Variants in ACBD6 observed in about 807,000 individuals in gnomAD.
The protein encoded by ACBD6 is acyl-CoA-binding domain-containing protein 6.
ACBD6 carries 28 observed loss-of-function variants against 37.2 expected under a neutral mutation model. That is an observed-to-expected ratio of 0.75 (90% CI 0.56 to 1.03). The LOEUF is 1.03. Ranked by LOEUF, ACBD6 falls within the 50% of genes least tolerant of loss-of-function variation. The probability of loss-of-function intolerance (pLI) is 0.00; values close to 1 mark genes in which losing one functional copy is unlikely to be tolerated. For synonymous variants in ACBD6, 113 were observed against 126.8 expected (o/e 0.89, Z 0.73); for missense variants, 340 against 337.4 (o/e 1.01, Z -0.06).
At chr1:180,423,991 G>C (rs943757369) in intron 4 of ACBD6, among the ~76,000 whole-genome samples, 2 of 152,060 alleles carry the variant, frequency 1.3e-5, no homozygotes, top group African/African-American at 2.4e-5. Flanking sequence ...ATTTTACCAG[G>C]AAAGTACATT....
Position 180,288,527 on chromosome 1 carries a change from A to T in ACBD6, c.695-10T>A, listed in dbSNP as rs1330617385. ...AACTCACAGGCAGAGGCTGAAAGGA[A>T]AATTGACAAATATGAAAACAAGTTT... On this transcript the variant is annotated splice_polypyrimidine_tract_variant and intron_variant, in intron 7 of 7. Coordinates refer to ENST00000367595, the MANE Select transcript of ACBD6 (RefSeq NM_032360.4). 3.7e-6 allele frequency: 6 copies of T among 1,610,538 alleles called. No individual in the cohort carries two copies. The highest frequency in any genetic ancestry group is 5.1e-6 in the Non-Finnish European group (6 of 1,178,412).
intron 3 of ACBD6, among the ~76,000 whole-genome samples, chr1:180,453,695 A>G (rs1181464937): frequency 6.6e-6 from 1 of 152,242 alleles, no homozygotes; most frequent in Non-Finnish European, 1.5e-5. Flanking sequence ...CAACTTCAGC[A>G]AAGTCTCAGG....
intron 7 of ACBD6, among the ~76,000 whole-genome samples, chr1:180,302,604 G>A (rs185882068): frequency 2.6e-4 from 39 of 152,090 alleles, no homozygotes; most frequent in Admixed American, 2.2e-3. Flanking sequence ...TTGAGCCTAT[G>A]CAAATCCTTA....
chr1:180,397,948 G>A (rs987593260), intron 5 of ACBD6, among the ~76,000 whole-genome samples: 1 of 152,094 alleles, frequency 6.6e-6, no homozygotes, highest in Non-Finnish European at 1.5e-5. Flanking sequence ...AGCTACTTGG[G>A]AGGATGAGGC....
rs372952844 is a variant in ACBD6 at position 180,274,428 on chromosome 1, T to C, written c.*936+223A>G. On this transcript the variant is annotated intron_variant, in intron 10 of 13. Coordinates refer to the ACBD6 transcript ENST00000642319. ...ACGGTGGACAGTAATTTGGGCATCATTGCGCATGCAGGGCAGGGAGTAAGC... is the reference window on the plus strand; with the variant it reads ...ACGGTGGACAGTAATTTGGGCATCACTGCGCATGCAGGGCAGGGAGTAAGC... 3.5e-5 allele frequency: 56 copies of C among 1,614,194 alleles called. No homozygotes were observed. Among genetic ancestry groups the C allele is most frequent in the African/African-American group, 2.7e-4 (20 of 75,064 alleles).
At chr1:180,295,389 C>T (rs181556158) in intron 7 of ACBD6, among the ~76,000 whole-genome samples, 97 of 152,076 alleles carry the variant, frequency 6.4e-4, no homozygotes, top group African/African-American at 2.3e-3. Flanking sequence ...GATTCTCCTG[C>T]CTCAGCCTCC....
At chr1:180,485,431 C>T (rs1651223213) in intron 3 of ACBD6, among the ~76,000 whole-genome samples, 1 of 152,024 alleles carries the variant, frequency 6.6e-6, no homozygotes, top group Non-Finnish European at 1.5e-5. Context: ...AAGGTGGGCC[C>T]TAAATTCAAT....
At chr1:180,469,083 T>A (rs1180872472) in intron 3 of ACBD6, among the ~76,000 whole-genome samples, 6 of 152,224 alleles carry the variant, frequency 3.9e-5, no homozygotes, top group Non-Finnish European at 5.9e-5. Context: ...TAATATATAG[T>A]CCTTTTCCAT....
intron 2 of ACBD6, among the ~76,000 whole-genome samples, chr1:180,492,568 T>A (rs1651547914): frequency 6.6e-6 from 1 of 152,220 alleles, no homozygotes; most frequent in South Asian, 2.1e-4. Context: ...AGCAGTCTTT[T>A]CAGACATTTT....
At chr1:180,439,175 T>G (rs1225544614) in intron 3 of ACBD6, among the ~76,000 whole-genome samples, 3 of 152,184 alleles carry the variant, frequency 2.0e-5, no homozygotes, top group African/African-American at 7.2e-5. Flanking sequence ...GGTATTTAAC[T>G]CAGTAGTGTT....
chr1:180,394,590 A>G (rs1222594013), intron 6 of ACBD6, among the ~76,000 whole-genome samples: 1 of 152,214 alleles, frequency 6.6e-6, no homozygotes, highest in Non-Finnish European at 1.5e-5. Context: ...AAAACAGTGT[A>G]GCACAAATAC....
At chr1:180,414,208 G>C (rs548813853) in intron 4 of ACBD6, among the ~76,000 whole-genome samples, 5 of 151,972 alleles carry the variant, frequency 3.3e-5, no homozygotes, top group African/African-American at 4.8e-5. Context: ...TGTTTCAATC[G>C]GATTCTCAAA....
At chr1:180,457,308 A>G (rs1649963002) in intron 3 of ACBD6, among the ~76,000 whole-genome samples, 1 of 152,228 alleles carries the variant, frequency 6.6e-6, no homozygotes, top group African/African-American at 2.4e-5. Flanking sequence ...CATGCTACAT[A>G]TAATTTCTAC....
rs1412804743 is a variant in ACBD6 at position 180,492,292 on chromosome 1, G to GT, written c.360dup (p.Leu121ThrfsTer27). The GT allele has an allele frequency of 6.2e-7, 1 of 1,613,966 alleles. No individual in the cohort carries two copies. The highest frequency in any genetic ancestry group is 8.5e-7 in the Non-Finnish European group (1 of 1,179,922). ...ACCTGAGGATTCCAACCTGGATCTAGTTTTTTAACTACTGCGATATATTCC... is the reference window on the plus strand; with the variant it reads ...ACCTGAGGATTCCAACCTGGATCTAGTTTTTTTAACTACTGCGATATATTCC... On this transcript the variant is annotated frameshift_variant, in exon 3 of 8. Coordinates refer to ENST00000367595, the MANE Select transcript of ACBD6 (RefSeq NM_032360.4). LOFTEE classifies it high-confidence loss of function.
chr1:180,388,692 T>C (rs1004459242), intron 6 of ACBD6, among the ~76,000 whole-genome samples: 5 of 152,102 alleles, frequency 3.3e-5, no homozygotes, highest in African/African-American at 1.2e-4. Flanking sequence ...CCTCCTGCCT[T>C]GGCCTTCCAA....
chr1:180,279,292 T>C (rs563552959), intron 9 of ACBD6, among the ~76,000 whole-genome samples: 48 of 152,276 alleles, frequency 3.2e-4, no homozygotes, highest in African/African-American at 1.1e-3. Flanking sequence ...GTTTGTTCAG[T>C]GGCATTTTTA....
chr1:180,433,614 G>A (rs1277236672), intron 3 of ACBD6, among the ~76,000 whole-genome samples: 1 of 95,664 alleles, frequency 1.0e-5, no homozygotes, highest in African/African-American at 4.0e-5. Flanking sequence ...GTGTGTGTGT[G>A]TGTGTACAGA....
chr1:180,477,454 A>T (rs1205046371), intron 3 of ACBD6, among the ~76,000 whole-genome samples: 5 of 152,188 alleles, frequency 3.3e-5, no homozygotes. Context: ...TTAATAACAC[A>T]CCATGCTTTT....
At chr1:180,360,083 G>A (rs1017248374) in intron 6 of ACBD6, among the ~76,000 whole-genome samples, 9 of 152,170 alleles carry the variant, frequency 5.9e-5, no homozygotes, top group Middle Eastern at 3.4e-3. Flanking sequence ...TTTTTAATAG[G>A]ATATAAACAA....
Sources: gnomAD v4.1 joint callset for allele counts (sites outside exome capture counted in the v4.1 genomes callset) on GRCh38, gnomAD v4.1.1 for gene constraint, MANE v1.5 for transcripts, NCBI Gene and HGNC (gene_info 2026-07-23, HGNC 2026-07-21) for gene names.